Variants in NALF1 observed in about 807,000 individuals in gnomAD.
NALF1 encodes family with sequence similarity 155 member A.
Under a neutral mutation model 48.4 loss-of-function variants are expected in NALF1, and 3 were observed. That is an observed-to-expected ratio of 0.06 (90% CI 0.03 to 0.16). The LOEUF (loss-of-function observed/expected upper bound fraction) is 0.16. NALF1 is among the 10% of genes least tolerant of loss of function. The pLI, the probability that NALF1 is intolerant of heterozygous loss-of-function variation, is 1.00. For missense variants in NALF1, 526 were observed against 571.5 expected (o/e 0.92, Z 0.81); for synonymous variants, 262 against 245.7 (o/e 1.07, Z -0.62).
chr13:107,244,985 C>T (rs1385485004), intron 1 of NALF1, among the ~76,000 whole-genome samples: 1 of 152,120 alleles, frequency 6.6e-6, no homozygotes. Context: ...AATGTATTGG[C>T]TGAGCAAGAA....
At chr13:107,796,742 C>T (rs1202946567) in intron 1 of NALF1, among the ~76,000 whole-genome samples, 1 of 152,062 alleles carries the variant, frequency 6.6e-6, no homozygotes, top group Non-Finnish European at 1.5e-5. Context: ...ACTTATTCTC[C>T]ATGACGTTAT....
intron 1 of NALF1, among the ~76,000 whole-genome samples, chr13:107,279,552 G>A (rs1249962847): frequency 1.3e-5 from 2 of 152,038 alleles, no homozygotes; most frequent in Non-Finnish European, 1.5e-5. Flanking sequence ...CACCGCACCC[G>A]GTGATGCCTC....
At chr13:107,523,335 T>C (rs1011167308) in intron 1 of NALF1, among the ~76,000 whole-genome samples, 1 of 152,190 alleles carries the variant, frequency 6.6e-6, no homozygotes, top group African/African-American at 2.4e-5. Context: ...GTAGCAAAAG[T>C]GCCCTTGTGC....
chr13:107,515,782 A>C (rs534055209), intron 1 of NALF1, among the ~76,000 whole-genome samples: 1 of 152,298 alleles, frequency 6.6e-6, no homozygotes, highest in African/African-American at 2.4e-5. Flanking sequence ...GATTGGTTGG[A>C]GTAGAAATTA....
chr13:107,263,306 A>C (rs1176949673), intron 1 of NALF1, among the ~76,000 whole-genome samples: 1 of 150,430 alleles, frequency 6.6e-6, no homozygotes, highest in Non-Finnish European at 1.5e-5. Context: ...CAGTGGACTC[A>C]CAGTTGATGT....
At chr13:107,535,310 T>C (rs1207201398) in intron 1 of NALF1, among the ~76,000 whole-genome samples, 2 of 152,114 alleles carry the variant, frequency 1.3e-5, no homozygotes, top group Non-Finnish European at 2.9e-5. Context: ...TGATATTGGC[T>C]GTGGGTTTGT....
intron 2 of NALF1, among the ~76,000 whole-genome samples, chr13:107,189,151 T>C (rs553415724): frequency 5.0e-4 from 76 of 152,338 alleles, no homozygotes; most frequent in African/African-American, 1.7e-3. Context: ...AATTGGGCAT[T>C]TGAAATGTCT....
At chr13:107,719,319 T>G (rs1456637986) in intron 1 of NALF1, among the ~76,000 whole-genome samples, 1 of 152,190 alleles carries the variant, frequency 6.6e-6, no homozygotes, top group Non-Finnish European at 1.5e-5. Context: ...CTCTTAGCTG[T>G]CTCAACAAGG....
chr13:107,626,256 C>G (rs2138444674), intron 1 of NALF1, among the ~76,000 whole-genome samples: 1 of 151,900 alleles, frequency 6.6e-6, no homozygotes. Flanking sequence ...AAAGTAGAAA[C>G]AAGCAGAAAG....
chr13:107,336,391 T>A (rs1882556781), intron 1 of NALF1, among the ~76,000 whole-genome samples: 1 of 149,748 alleles, frequency 6.7e-6, no homozygotes, highest in Admixed American at 6.7e-5. Flanking sequence ...ATAATAATAA[T>A]AAAAAATCTA....
chr13:107,260,074 A>T (rs1880900356), intron 1 of NALF1, among the ~76,000 whole-genome samples: 1 of 152,192 alleles, frequency 6.6e-6, no homozygotes, highest in African/African-American at 2.4e-5. Flanking sequence ...AGAATATAGA[A>T]CTGAATCTGG....
At chr13:107,241,172 C>T (rs1005611084) in intron 1 of NALF1, among the ~76,000 whole-genome samples, 1 of 151,070 alleles carries the variant, frequency 6.6e-6, no homozygotes, top group Non-Finnish European at 1.5e-5. Flanking sequence ...CCAGCTTGGG[C>T]GACAGGGTAA....
chr13:107,611,379 AAG>A (rs1879220274), intron 1 of NALF1, among the ~76,000 whole-genome samples: 1 of 152,234 alleles, frequency 6.6e-6, no homozygotes, highest in Non-Finnish European at 1.5e-5. Context: ...CAGGATCTGG[AAG>A]AGAGATGTGC....
intron 1 of NALF1, among the ~76,000 whole-genome samples, chr13:107,525,303 A>G (rs570269608): frequency 3.1e-4 from 47 of 152,246 alleles, no homozygotes; most frequent in African/African-American, 9.9e-4. Context: ...TTGATGGTCA[A>G]TAATCTGTTC....
chr13:107,830,955 G>C (rs1164408033), intron 1 of NALF1, among the ~76,000 whole-genome samples: 4 of 152,222 alleles, frequency 2.6e-5, no homozygotes, highest in Non-Finnish European at 5.9e-5. Context: ...GGGGGAAATA[G>C]GATGTTCCGC....
chr13:107,194,742 C>T (rs1470122025), intron 2 of NALF1, among the ~76,000 whole-genome samples: 4 of 152,148 alleles, frequency 2.6e-5, no homozygotes, highest in African/African-American at 9.7e-5. Flanking sequence ...TAAAAGCCTT[C>T]TGCACAGCAA....
At chr13:107,251,295 C>T (rs1416936870) in intron 1 of NALF1, among the ~76,000 whole-genome samples, 5 of 152,168 alleles carry the variant, frequency 3.3e-5, no homozygotes, top group African/African-American at 7.2e-5. Context: ...GGAGTGAATT[C>T]TGAAAGCACA....
At chr13:107,450,667 T>C (rs924994752) in intron 1 of NALF1, among the ~76,000 whole-genome samples, 1 of 152,156 alleles carries the variant, frequency 6.6e-6, no homozygotes, top group East Asian at 1.9e-4. Flanking sequence ...GGGGATGCCA[T>C]GGGTGAATCC....
At chr13:107,684,872 T>G (rs969587202) in intron 1 of NALF1, among the ~76,000 whole-genome samples, 2 of 152,200 alleles carry the variant, frequency 1.3e-5, no homozygotes, top group Non-Finnish European at 2.9e-5. Flanking sequence ...TCCTGAATGT[T>G]CCTTAACACC....
Sources: gnomAD v4.1 joint callset for allele counts (sites outside exome capture counted in the v4.1 genomes callset) on GRCh38, gnomAD v4.1.1 for gene constraint, MANE v1.5 for transcripts, NCBI Gene and HGNC (gene_info 2026-07-23, HGNC 2026-07-21) for gene names.